Variants in CSPP1 observed in about 807,000 individuals in gnomAD.
The protein encoded by CSPP1 is centrosome and spindle pole-associated protein 1.
Under a neutral mutation model 164.4 loss-of-function variants are expected in CSPP1, and 126 were observed. The ratio of observed to expected loss-of-function variants is 0.77; its 90% CI spans 0.66 to 0.89. The LOEUF is 0.89. Ranked by LOEUF, CSPP1 falls within the 40% of genes least tolerant of loss-of-function variation. CSPP1 has a pLI of 0.00. For synonymous variants in CSPP1, 472 were observed against 476.7 expected (o/e 0.99, Z 0.13); for missense variants, 1,395 against 1,449.8 (o/e 0.96, Z 0.61).
intron 3 of CSPP1, among the ~76,000 whole-genome samples, chr8:67,082,529 G>A (rs1348477989): frequency 6.6e-6 from 1 of 152,042 alleles, no homozygotes; most frequent in Non-Finnish European, 1.5e-5. Context: ...CTCCTTGTAA[G>A]TCACCCATTG....
At chr8:67,190,522 T>G in intron 28 of CSPP1, 128 bp from the exon 29 acceptor site, 1 of 680,952 alleles carries the variant, frequency 1.5e-6, no homozygotes, top group South Asian at 1.7e-5. Context: ...GAACTGTGTA[T>G]GTACATACAT....
intron 28 of CSPP1, among the ~76,000 whole-genome samples, chr8:67,183,517 C>T (rs866529543): frequency 7.2e-5 from 11 of 152,130 alleles, no homozygotes; most frequent in Non-Finnish European, 1.5e-4. Flanking sequence ...TCTCCAAATA[C>T]TTTGGAGATT....
chr8:67,117,604 T>G (rs1209956498), intron 13 of CSPP1, among the ~76,000 whole-genome samples: 2 of 152,216 alleles, frequency 1.3e-5, no homozygotes, highest in Non-Finnish European at 2.9e-5. Context: ...GGTATTTAAG[T>G]TGCTTTTATT....
intron 16 of CSPP1, among the ~76,000 whole-genome samples, chr8:67,136,265 G>T (rs7833373): frequency 6.6e-6 from 1 of 151,824 alleles, no homozygotes; most frequent in Non-Finnish European, 1.5e-5. Flanking sequence ...ACAAACCTTC[G>T]ATTTGTAAAA....
At chr8:67,094,537 G>T (rs1423610052) in intron 6 of CSPP1, among the ~76,000 whole-genome samples, 2 of 152,084 alleles carry the variant, frequency 1.3e-5, no homozygotes, top group Middle Eastern at 3.4e-3. Context: ...CTCCCAAAGT[G>T]CTGGGATTAC....
intron 1 of CSPP1, chr8:67,069,002 T>C (rs1806158638): frequency 6.6e-6 from 1 of 152,218 alleles, no homozygotes; most frequent in African/African-American, 2.4e-5. Flanking sequence ...TAACCCCACT[T>C]CTAACAGTGT....
In CSPP1 at chr8:67,093,548, G is replaced by T. The variant is rs370128733; in HGVS notation, c.390G>T (p.Arg130Ser). ...PIGERLSAKE[R>S]LKLERNKEYN... Reference sequence around the variant, plus strand: ...CTTTTGATTTTTATTTTAAGGAAAGGTTGAAACTTGAACGTAACAAAGAAT... The same window carrying T: ...CTTTTGATTTTTATTTTAAGGAAAGTTTGAAACTTGAACGTAACAAAGAAT... The change falls in exon 6 of 31, where the codon AGG (arginine) becomes AGT (serine). Residue 130 changes from arginine to serine, a missense_variant. Transcript: ENST00000678616. 4.4e-6 allele frequency: 7 copies of T among 1,598,176 alleles called. No individual in the cohort carries two copies. Among genetic ancestry groups the T allele is most frequent in the Non-Finnish European group, 6.0e-6 (7 of 1,168,954 alleles).
intron 9 of CSPP1, among the ~76,000 whole-genome samples, chr8:67,110,853 CTGTTGTTGTTGT>C (rs57306340): frequency 1.3e-5 from 2 of 151,620 alleles, no homozygotes; most frequent in African/African-American, 2.4e-5. Flanking sequence ...TCTAATGTTT[CTGTTGTTGTTGT>C]TGTTGTTGTT....
At chr8:67,104,674 G>A (rs1279795314) in intron 8 of CSPP1, among the ~76,000 whole-genome samples, 2 of 150,402 alleles carry the variant, frequency 1.3e-5, no homozygotes, top group Admixed American at 6.6e-5. Context: ...GTCTCACTCT[G>A]TCACCCAGAC....
At chr8:67,157,034 T>G (rs1296340987) in intron 19 of CSPP1, among the ~76,000 whole-genome samples, 1 of 152,134 alleles carries the variant, frequency 6.6e-6, no homozygotes, top group Non-Finnish European at 1.5e-5. Flanking sequence ...ATTCTTTGAT[T>G]TTGATGGAAA....
intron 3 of CSPP1, chr8:67,083,548 A>AAAAAAAAAAAAAAAAAATAT (rs1332248754): frequency 1.1e-5 from 1 of 91,484 alleles, no homozygotes; most frequent in Non-Finnish European, 2.0e-5. Context: ...AAAAAAAAAA[A>AAAAAAAAAAAAAAAAAATAT]ATATATATAT....
intron 24 of CSPP1, among the ~76,000 whole-genome samples, chr8:67,165,176 C>T (rs1163214389): frequency 6.6e-6 from 1 of 152,090 alleles, no homozygotes; most frequent in African/African-American, 2.4e-5. Context: ...CCCAGCTACT[C>T]AGGAGGCTGA....
At position 67,158,534 on chromosome 8, in the gene CSPP1, A is replaced by G; in HGVS notation, c.2329A>G (p.Arg777Gly). The change falls in exon 20 of 31, where the codon AGG (arginine) becomes GGG (glycine). Residue 777 changes from arginine to glycine, a missense_variant. Physicochemically the swap from Arg to Gly is moderately radical, Grantham distance 125 (BLOSUM62 -2). Coordinates refer to ENST00000678616, the MANE Select transcript of CSPP1 (RefSeq NM_001382391.1). ...AGAAGAAAGACGGCTTGCAGAACAGAGGGCACGAATTCAGCAGGAGTATGA... is the reference window on the plus strand; with the variant it reads ...AGAAGAAAGACGGCTTGCAGAACAGGGGGCACGAATTCAGCAGGAGTATGA... ...EKEERRLAEQ[R>G]ARIQQEYEEE... The G allele has an allele frequency of 6.2e-7, 1 of 1,612,586 alleles. No homozygotes were observed. The highest frequency in any genetic ancestry group is 8.5e-7 in the Non-Finnish European group (1 of 1,178,998).
intron 1 of CSPP1, chr8:67,064,754 G>A (rs1805172684): frequency 2.1e-6 from 1 of 483,674 alleles, no homozygotes; most frequent in Non-Finnish European, 3.7e-6. Flanking sequence ...TGGGGGAGGT[G>A]CCCGAGTTAA....
chr8:67,080,844 T>C (rs190902540), intron 3 of CSPP1: 1 of 152,362 alleles, frequency 6.6e-6, no homozygotes, highest in Non-Finnish European at 1.5e-5. Context: ...AGCACATCAG[T>C]ATGTGACAGG....
At chr8:67,113,041 C>T (rs936476023) in intron 10 of CSPP1, among the ~76,000 whole-genome samples, 2 of 152,170 alleles carry the variant, frequency 1.3e-5, no homozygotes, top group South Asian at 2.1e-4. Context: ...GTCAGGAGAT[C>T]GAGACCATCC....
At chr8:67,136,424 C>G (rs1822275910) in intron 16 of CSPP1, among the ~76,000 whole-genome samples, 1 of 151,842 alleles carries the variant, frequency 6.6e-6, no homozygotes, top group Non-Finnish European at 1.5e-5. Flanking sequence ...CAAAAAATAA[C>G]TGGGCGTGGT....
In CSPP1 at chr8:67,093,627, G is replaced by GA; in HGVS notation, c.473dup (p.Ser159GlufsTer3). 6.2e-7 allele frequency: 1 copy of GA among 1,604,726 alleles called. No homozygotes were observed. Among genetic ancestry groups the GA allele is most frequent in the Non-Finnish European group, 8.5e-7 (1 of 1,171,852 alleles). On this transcript the variant is annotated frameshift_variant, in exon 6 of 31. Coordinates refer to ENST00000678616, the MANE Select transcript of CSPP1 (RefSeq NM_001382391.1). LOFTEE classifies it high-confidence loss of function. ...ATCCAGTGAAAAGTTCAGGCAGGTGGAAAAGAGTACTGAGGTAGGTTTTGC... is the reference window on the plus strand; with the variant it reads ...ATCCAGTGAAAAGTTCAGGCAGGTGGAAAAAGAGTACTGAGGTAGGTTTTGC...
At chr8:67,159,908 C>CTT (rs1348290791) in intron 21 of CSPP1, among the ~76,000 whole-genome samples, 1 of 66,138 alleles carries the variant, frequency 1.5e-5, no homozygotes, top group Non-Finnish European at 2.8e-5. Context: ...TTCTTTCTTT[C>CTT]TTTCTTTCTT....
Sources: allele counts gnomAD v4.1 joint callset (sites outside exome capture counted in the v4.1 genomes callset), GRCh38; gene constraint gnomAD v4.1.1; transcripts MANE v1.5; gene names NCBI Gene and HGNC (gene_info 2026-07-23, HGNC 2026-07-21).